CDK6: variants seen among roughly 807,000 people sequenced by gnomAD.
The protein encoded by CDK6 is cyclin-dependent kinase 6.
In CDK6, 6 loss-of-function variants were observed where a neutral mutation model predicts 37.1. The ratio of observed to expected loss-of-function variants is 0.16; its 90% CI spans 0.09 to 0.32. The LOEUF (loss-of-function observed/expected upper bound fraction) is 0.32, where lower values mean the gene tolerates loss of function less well. Among genes scored for constraint, CDK6 ranks in the 10% least tolerant of loss-of-function variants. The probability of loss-of-function intolerance (pLI) is 1.00; values close to 1 mark genes in which losing one functional copy is unlikely to be tolerated. For synonymous variants in CDK6, 160 were observed against 161.3 expected (o/e 0.99, Z 0.06); for missense variants, 224 against 418.9 (o/e 0.53, Z 4.06).
chr7:92,833,836 T>C lies in CDK6; in HGVS notation c.-367-146A>G, dbSNP rs1801569762. Reference sequence around the variant, plus strand: ...CGCTCCTGCCCTCTCCCAAGCCGCTTAATCCTTCCTGGTTCCTCCGAGAAA... The same window carrying C: ...CGCTCCTGCCCTCTCCCAAGCCGCTCAATCCTTCCTGGTTCCTCCGAGAAA... On this transcript the variant is annotated intron_variant, in intron 1 of 7. Coordinates refer to ENST00000424848, the MANE Select transcript of CDK6 (RefSeq NM_001145306.2). The surrounding 1 kb of genome is among the most constrained non-coding windows in gnomAD (Gnocchi z 6.1). The C allele has an allele frequency of 2.5e-6, 1 of 399,474 alleles. No individual in the cohort carries two copies. Among genetic ancestry groups the C allele is most frequent in the Non-Finnish European group, 4.4e-6 (1 of 226,920 alleles). The allele number at this position is 399,474 out of a possible 1,614,324, so 24.7% of individuals were successfully genotyped here. A position where few individuals can be genotyped will look rare whatever the true frequency, so the allele number is the denominator to read the frequency against.
At chr7:92,774,261 T>G (rs1799787910) in intron 3 of CDK6, among the ~76,000 whole-genome samples, 1 of 152,156 alleles carries the variant, frequency 6.6e-6, no homozygotes. Context: ...TCACATAGCA[T>G]AGGTTGTCCC....
At chr7:92,670,601 C>A (rs1423930450) in intron 5 of CDK6, among the ~76,000 whole-genome samples, 1 of 152,184 alleles carries the variant, frequency 6.6e-6, no homozygotes. Flanking sequence ...ATTTTCCTGG[C>A]AGATCTTTAT....
intron 2 of CDK6, among the ~76,000 whole-genome samples, chr7:92,777,235 T>G (rs185199985): frequency 6.7e-6 from 1 of 149,832 alleles, no homozygotes; most frequent in African/African-American, 2.5e-5. Flanking sequence ...TTCTTTCTTG[T>G]TTTTTTTTCC....
chr7:92,714,359 T>G (rs1216252000), intron 4 of CDK6, among the ~76,000 whole-genome samples: 1 of 152,154 alleles, frequency 6.6e-6, no homozygotes, highest in Non-Finnish European at 1.5e-5. Context: ...AAGGTCTGGA[T>G]AGCAAGATCA....
At chr7:92,738,332 C>T (rs1195993121) in intron 3 of CDK6, among the ~76,000 whole-genome samples, 1 of 152,004 alleles carries the variant, frequency 6.6e-6, no homozygotes, top group Admixed American at 6.6e-5. Flanking sequence ...AAGAATTTAT[C>T]CAGCTAATGT....
intron 5 of CDK6, among the ~76,000 whole-genome samples, chr7:92,670,655 G>A (rs575188655): frequency 6.6e-6 from 1 of 152,152 alleles, no homozygotes; most frequent in East Asian, 1.9e-4. Context: ...TCAAACAAAC[G>A]AATCACATGC....
intron 4 of CDK6, among the ~76,000 whole-genome samples, chr7:92,672,236 CACACACAT>C (rs1184413230): frequency 2.7e-5 from 4 of 145,960 alleles, no homozygotes; most frequent in Admixed American, 6.8e-5. Context: ...CACACACACA[CACACACAT>C]ATATGAAGAT....
intron 2 of CDK6, among the ~76,000 whole-genome samples, chr7:92,825,883 A>G (rs992519): frequency 0.21 from 31,462 of 152,100 alleles, 4,125 homozygotes; most frequent in African/African-American, 0.36. Context: ...TTAAGTCCAA[A>G]GTTGCACAGT....
chr7:92,729,206 C>T (rs997376453), intron 3 of CDK6, among the ~76,000 whole-genome samples: 1 of 152,158 alleles, frequency 6.6e-6, no homozygotes, highest in African/African-American at 2.4e-5. Flanking sequence ...TCTGTTCTAT[C>T]TCAGTTTATA....
At chr7:92,772,289 G>C (rs906529666) in intron 3 of CDK6, among the ~76,000 whole-genome samples, 1 of 152,026 alleles carries the variant, frequency 6.6e-6, no homozygotes, top group Non-Finnish European at 1.5e-5. Context: ...CCACTAACAT[G>C]TAAGTTAACT....
At chr7:92,783,335 C>G (rs1437703799) in intron 2 of CDK6, among the ~76,000 whole-genome samples, 1 of 152,184 alleles carries the variant, frequency 6.6e-6, no homozygotes, top group African/African-American at 2.4e-5. Flanking sequence ...AATTAAACAA[C>G]CCCTTTCCCA....
intron 4 of CDK6, among the ~76,000 whole-genome samples, chr7:92,698,082 G>T (rs919260233): frequency 6.6e-6 from 1 of 151,972 alleles, no homozygotes; most frequent in Non-Finnish European, 1.5e-5. Context: ...AAACTGCTGT[G>T]AAATCAAAGA....
chr7:92,696,248 T>C (rs915389433), intron 4 of CDK6, among the ~76,000 whole-genome samples: 5 of 152,174 alleles, frequency 3.3e-5, no homozygotes, highest in Non-Finnish European at 7.4e-5. Context: ...ATCTCCTGAC[T>C]AGAAGAATGG....
chr7:92,693,154 T>C (rs1797634478), intron 4 of CDK6, among the ~76,000 whole-genome samples: 1 of 152,244 alleles, frequency 6.6e-6, no homozygotes, highest in Non-Finnish European at 1.5e-5. Context: ...ACTCTCTTTT[T>C]TGCAGGTTAC....
intron 5 of CDK6, among the ~76,000 whole-genome samples, chr7:92,649,199 C>T (rs982887404): frequency 6.6e-6 from 1 of 152,138 alleles, no homozygotes; most frequent in African/African-American, 2.4e-5. Flanking sequence ...TTAGTATTGA[C>T]CGATCATTTC....
chr7:92,780,991 A>G (rs1799977394), intron 2 of CDK6, among the ~76,000 whole-genome samples: 1 of 152,196 alleles, frequency 6.6e-6, no homozygotes, highest in Non-Finnish European at 1.5e-5. Flanking sequence ...TGTAATCACA[A>G]TGTATTGAAT....
Position 92,798,883 on chromosome 7 carries a change from T to A in CDK6, c.234-24052A>T, listed in dbSNP as rs570482710. The stretch of plus-strand genomic sequence containing the variant: ...ATCAAAGCTATTGTCTTCTTCTATA[T>A]GGATCTTCTGTCCCTCATGATTCAC... On this transcript the variant is annotated intron_variant, in intron 2 of 7. Coordinates refer to ENST00000424848, the MANE Select transcript of CDK6 (RefSeq NM_001145306.2). Among the ~76,000 whole-genome samples, 6 of 152,324 alleles carry A rather than the reference T, an allele frequency of 3.9e-5. No individual in the cohort carries two copies. In the South Asian group the frequency reaches 6.2e-4, roughly 16 times the overall value.
intron 4 of CDK6, among the ~76,000 whole-genome samples, chr7:92,712,866 G>GTATA (rs1412525064): frequency 1.3e-5 from 2 of 151,328 alleles, no homozygotes; most frequent in Non-Finnish European, 1.5e-5. Flanking sequence ...ATGTATGTAT[G>GTATA]TATGTATGTA....
chr7:92,654,701 TC>T (rs1027385537), intron 5 of CDK6, among the ~76,000 whole-genome samples: 6 of 152,128 alleles, frequency 3.9e-5, no homozygotes, highest in Non-Finnish European at 7.3e-5. Context: ...TATGGAGCTC[TC>T]AACAGGAAAG....
Sources: allele counts gnomAD v4.1 joint callset (sites outside exome capture counted in the v4.1 genomes callset), GRCh38; gene constraint gnomAD v4.1.1; non-coding constraint Gnocchi (gnomAD v3.1); transcripts MANE v1.5; gene names NCBI Gene and HGNC (gene_info 2026-07-23, HGNC 2026-07-21).